The following SHANK2 variants were observed in gnomAD, a reference collection of about 807,000 sequenced individuals.
SHANK2 encodes the protein SH3 and multiple ankyrin repeat domains 2, also known as SH3 and multiple ankyrin repeat domains protein 2.
SHANK2 carries 43 observed loss-of-function variants against 133.7 expected under a neutral mutation model. The ratio of observed to expected loss-of-function variants is 0.32; its 90% CI spans 0.25 to 0.41. The LOEUF is 0.41. Among genes scored for constraint, SHANK2 ranks in the 10% least tolerant of loss-of-function variants. The pLI is 1.00. For synonymous variants in SHANK2, 1,017 were observed against 952.8 expected (o/e 1.07, Z -1.24); for missense variants, 1,994 against 2,235.8 (o/e 0.89, Z 2.18).
chr11:70,932,642 C>A (rs959576014), intron 10 of SHANK2, among the ~76,000 whole-genome samples: 1 of 152,214 alleles, frequency 6.6e-6, no homozygotes, highest in Non-Finnish European at 1.5e-5. Flanking sequence ...AAAGCAAATG[C>A]CAGGGTACCT....
chr11:71,061,367 G>C (rs968221520), intron 9 of SHANK2, among the ~76,000 whole-genome samples: 9 of 152,340 alleles, frequency 5.9e-5, no homozygotes, highest in Non-Finnish European at 1.2e-4. Context: ...TCACAGAAAT[G>C]ACCACGCTGG....
intron 11 of SHANK2, among the ~76,000 whole-genome samples, chr11:70,833,699 A>G (rs1555059199): frequency 2.0e-5 from 3 of 152,262 alleles, no homozygotes; most frequent in African/African-American, 7.2e-5. Context: ...GGTGCTCAAC[A>G]GAGGTTAGCT....
intron 10 of SHANK2, among the ~76,000 whole-genome samples, chr11:70,931,439 A>C (rs1555082483): frequency 1.3e-5 from 2 of 152,142 alleles, no homozygotes; most frequent in South Asian, 2.1e-4. Flanking sequence ...ATGTCTGTCT[A>C]CCCCTCCGAA....
At chr11:70,864,582 T>C (rs1011792464) in intron 11 of SHANK2, 4 of 152,270 alleles carry the variant, frequency 2.6e-5, no homozygotes, top group African/African-American at 9.6e-5. Context: ...CCTCTATTCT[T>C]GTAATGAACC....
chr11:71,086,229 AAATTATATAATATATTATGTTATATATGT>A (rs1951411103), intron 8 of SHANK2, among the ~76,000 whole-genome samples: 2 of 53,492 alleles, frequency 3.7e-5, no homozygotes, highest in Admixed American at 7.4e-4. Flanking sequence ...ATAATATATT[AAATTATATAATATATTATGTTATATATGT>A]TATATATTAT....
chr11:70,582,110 A>G (rs782643421), intron 17 of SHANK2, among the ~76,000 whole-genome samples: 1 of 152,194 alleles, frequency 6.6e-6, no homozygotes. Flanking sequence ...TGGCCTGGGG[A>G]GACAGCAGAC....
intron 17 of SHANK2, among the ~76,000 whole-genome samples, chr11:70,609,519 C>T (rs2060625822): frequency 6.6e-6 from 1 of 152,200 alleles, no homozygotes; most frequent in Non-Finnish European, 1.5e-5. Context: ...GGAGCAGCCC[C>T]ATCCGTGATG....
chr11:70,859,391 TG>T (rs1555067394), intron 11 of SHANK2, among the ~76,000 whole-genome samples: 1 of 151,622 alleles, frequency 6.6e-6, no homozygotes. Context: ...GACGGAAAGA[TG>T]GGTAGATGGG....
chr11:71,063,873 G>A (rs1048913023), intron 9 of SHANK2, among the ~76,000 whole-genome samples: 3 of 152,164 alleles, frequency 2.0e-5, no homozygotes, highest in African/African-American at 4.8e-5. Flanking sequence ...ACGAAGGAGC[G>A]TTCCTGGGGC....
At chr11:70,743,710 C>G (rs1210113452) in intron 14 of SHANK2, among the ~76,000 whole-genome samples, 1 of 152,182 alleles carries the variant, frequency 6.6e-6, no homozygotes, top group Non-Finnish European at 1.5e-5. Context: ...GCTCCATGTC[C>G]CCCTCACCTT....
intron 17 of SHANK2, among the ~76,000 whole-genome samples, chr11:70,625,607 A>G (rs1221531141): frequency 6.6e-6 from 1 of 151,928 alleles, no homozygotes; most frequent in East Asian, 1.9e-4. Context: ...CCCTCCCTCC[A>G]TTTTAGATCA....
rs1377209699 is a variant in SHANK2, at chr11:71,086,540, AT to A, written c.912+5881del. Among the ~76,000 whole-genome samples, 290 of 143,006 alleles carry A rather than the reference AT, an allele frequency of 2.0e-3. 1 individual carries two copies. Among genetic ancestry groups the A allele is most frequent in the African/African-American group, 7.1e-3 (278 of 39,084 alleles). 93.8% of individuals were successfully genotyped at this position (143,006 alleles called of 152,430 possible). On this transcript the variant is annotated intron_variant, in intron 8 of 25. Coordinates refer to ENST00000601538, the MANE Select transcript of SHANK2 (RefSeq NM_012309.5). ...TAATATATAATATAAATATATATAA[AT>A]ATATTATATATAATAATATATATAT...
intron 11 of SHANK2, among the ~76,000 whole-genome samples, chr11:70,893,080 G>C (rs1354121947): frequency 6.6e-6 from 1 of 152,180 alleles, no homozygotes; most frequent in Non-Finnish European, 1.5e-5. Context: ...TGTCGCCTAG[G>C]CTCTTCTACA....
intron 10 of SHANK2, among the ~76,000 whole-genome samples, chr11:70,934,427 G>A (rs782784647): frequency 3.3e-5 from 5 of 152,100 alleles, no homozygotes; most frequent in Middle Eastern, 3.2e-3. Context: ...CCCGCCCAGG[G>A]TGCAGCCTCA....
chr11:71,116,969 G>C (rs1260706631), intron 4 of SHANK2, among the ~76,000 whole-genome samples: 1 of 152,172 alleles, frequency 6.6e-6, no homozygotes, highest in African/African-American at 2.4e-5. Flanking sequence ...TGTACAGCCT[G>C]CAGAACCGTG....
At chr11:70,544,749 G>A (rs143461347) in intron 17 of SHANK2, among the ~76,000 whole-genome samples, 2 of 152,350 alleles carry the variant, frequency 1.3e-5, no homozygotes, top group African/African-American at 2.4e-5. Flanking sequence ...ACCTGAAACC[G>A]CAGTCTCACT....
intron 17 of SHANK2, among the ~76,000 whole-genome samples, chr11:70,556,486 G>T (rs1173489285): frequency 6.6e-6 from 1 of 151,694 alleles, no homozygotes; most frequent in East Asian, 1.9e-4. Flanking sequence ...TGCAGGCACA[G>T]TTCACTGTAG....
At position 70,485,354 on chromosome 11, in the gene SHANK2, C is replaced by G; in HGVS notation, c.4939G>C (p.Asp1647His). The change falls in exon 25 of 26, where the codon GAT (aspartate) becomes CAT (histidine). Residue 1647 changes from aspartate to histidine, a missense_variant. Physicochemically the swap from Asp to His is moderately conservative, Grantham distance 81. This residue lies in a region of SHANK2 where 797 missense variants were observed against 907.4 expected (regional missense o/e 0.88). Coordinates refer to ENST00000601538, the MANE Select transcript of SHANK2 (RefSeq NM_012309.5). The surrounding 1 kb of genome is among the most constrained non-coding windows in gnomAD (Gnocchi z 5.8). The stretch of plus-strand genomic sequence containing the variant: ...GCGGACTTGGCTCCCATTGGTGAAT[C>G]CAGTCCTTCCCCCGGCTTTGCCAAT... ...EKLAKPGEGL[D>H]SPMGAKSASL... The G allele has an allele frequency of 6.2e-7, 1 of 1,613,846 alleles. No homozygotes were observed. The highest frequency in any genetic ancestry group is 1.1e-5 in the South Asian group (1 of 91,068).
chr11:70,943,717 T>A (rs782212154), intron 10 of SHANK2, among the ~76,000 whole-genome samples: 5 of 152,098 alleles, frequency 3.3e-5, no homozygotes, highest in Admixed American at 1.3e-4. Flanking sequence ...ATATTAAAGA[T>A]TTTCTCTAAA....
Sources: gnomAD v4.1 joint callset for allele counts (sites outside exome capture counted in the v4.1 genomes callset) on GRCh38, gnomAD v4.1.1 for gene constraint, gnomAD v4.1.1 regional missense constraint, Gnocchi (gnomAD v3.1) non-coding constraint, MANE v1.5 for transcripts, NCBI Gene and HGNC (gene_info 2026-07-23, HGNC 2026-07-21) for gene names.